The following STK38 variants were observed in gnomAD, a reference collection of about 807,000 sequenced individuals.
The protein encoded by STK38 is serine/threonine kinase 38.
A neutral mutation model predicts 59.0 loss-of-function variants in STK38; 26 were observed. That is an observed-to-expected ratio of 0.44 (90% CI 0.32 to 0.61). The LOEUF is 0.61. STK38 is among the 20% of genes least tolerant of loss of function. The pLI, the probability that STK38 is intolerant of heterozygous loss-of-function variation, is 0.04. For missense variants in STK38, 433 were observed against 566.0 expected, an observed-to-expected ratio of 0.76 and a Z score of 2.38; for synonymous variants, 175 against 176.6, an observed-to-expected ratio of 0.99 and a Z score of 0.07.
intron 9 of STK38, among the ~76,000 whole-genome samples, chr6:36,504,937 A>AAAGG (rs1776928844): frequency 6.6e-6 from 1 of 151,410 alleles, no homozygotes; most frequent in Non-Finnish European, 1.5e-5. Flanking sequence ...GAAAGAAAAG[A>AAAGG]AAGGAAAGAA....
chr6:36,505,860 C>T (rs1216578715), intron 9 of STK38, among the ~76,000 whole-genome samples: 1 of 152,158 alleles, frequency 6.6e-6, no homozygotes, highest in Non-Finnish European at 1.5e-5. Context: ...CAATAACTTT[C>T]CAGTAACTGG....
intron 10 of STK38, among the ~76,000 whole-genome samples, chr6:36,498,846 C>T (rs1776770075): frequency 1.3e-5 from 2 of 152,146 alleles, no homozygotes; most frequent in Non-Finnish European, 2.9e-5. Flanking sequence ...CCACCTCGAC[C>T]TCCCAAAGTG....
At chr6:36,496,951 A>G in intron 12 of STK38, 146 bp from the exon 13 acceptor site, 4 of 588,200 alleles carry the variant, frequency 6.8e-6, no homozygotes, top group Non-Finnish European at 1.2e-5. Context: ...AAAAACTTAT[A>G]AACACTGACC....
intron 3 of STK38, among the ~76,000 whole-genome samples, chr6:36,524,820 T>C (rs1404446204): frequency 6.6e-6 from 1 of 152,228 alleles, no homozygotes; most frequent in East Asian, 1.9e-4. Context: ...TATCTTTCCC[T>C]CTGGCTTAAA....
chr6:36,520,769 C>T (rs555292224), intron 5 of STK38, among the ~76,000 whole-genome samples: 2 of 152,076 alleles, frequency 1.3e-5, no homozygotes, highest in Non-Finnish European at 2.9e-5. Flanking sequence ...TAAAGCTTCT[C>T]GGTAACACAT....
intron 1 of STK38, 123 bp downstream of exon 1, chr6:36,547,067 T>C (rs1248392631): frequency 1.3e-5 from 2 of 153,230 alleles, no homozygotes; most frequent in Non-Finnish European, 2.9e-5. Flanking sequence ...GCTGAGAGGT[T>C]AGGGCTTGAA....
At chr6:36,520,959 T>C (rs954233598) in intron 5 of STK38, among the ~76,000 whole-genome samples, 3 of 152,208 alleles carry the variant, frequency 2.0e-5, no homozygotes, top group African/African-American at 7.2e-5. Flanking sequence ...TCCATGTTCC[T>C]ATAACATCAA....
intron 2 of STK38, among the ~76,000 whole-genome samples, chr6:36,530,434 G>C (rs926540667): frequency 6.6e-6 from 1 of 150,466 alleles, no homozygotes. Context: ...GTACTATCTC[G>C]GCTCACTGCA....
intron 1 of STK38, among the ~76,000 whole-genome samples, chr6:36,540,412 G>A (rs1777905907): frequency 6.6e-6 from 1 of 152,102 alleles, no homozygotes; most frequent in Admixed American, 6.6e-5. Context: ...CCACCCCTAG[G>A]TATAAAGACT....
intron 12 of STK38, 120 bp from the exon 13 acceptor site, chr6:36,496,925 G>T: frequency 1.6e-6 from 1 of 641,398 alleles, no homozygotes; most frequent in Non-Finnish European, 2.6e-6. Context: ...CTGGCAGGCA[G>T]CATTTATTTT....
intron 2 of STK38, among the ~76,000 whole-genome samples, chr6:36,530,044 C>T (rs1777628810): frequency 6.6e-6 from 1 of 152,104 alleles, no homozygotes; most frequent in East Asian, 1.9e-4. Flanking sequence ...AGTTGGACAC[C>T]AGCCTGGCCA....
chr6:36,536,435 G>A (rs2127489233), intron 2 of STK38, among the ~76,000 whole-genome samples: 1 of 152,266 alleles, frequency 6.6e-6, no homozygotes, highest in Non-Finnish European at 1.5e-5. Context: ...GGGAGGCTGA[G>A]GTGGGAGGAC....
intron 7 of STK38, among the ~76,000 whole-genome samples, chr6:36,514,624 G>GT (rs1256655289): frequency 2.6e-5 from 4 of 152,106 alleles, no homozygotes; most frequent in Non-Finnish European, 5.9e-5. Context: ...CTAATTTGCT[G>GT]TAAGTTTAGG....
chr6:36,524,673 C>G (rs934678070), intron 3 of STK38, among the ~76,000 whole-genome samples: 1 of 152,220 alleles, frequency 6.6e-6, no homozygotes, highest in Non-Finnish European at 1.5e-5. Flanking sequence ...CCACACTGAA[C>G]AGATGGGTGC....
At chr6:36,536,516 T>A (rs1015532515) in intron 2 of STK38, among the ~76,000 whole-genome samples, 68 of 151,934 alleles carry the variant, frequency 4.5e-4, no homozygotes, top group African/African-American at 7.0e-4. Context: ...AAACAAAAAA[T>A]TTTTTTTAAT....
intron 6 of STK38, 70 bp from the exon 7 acceptor site, chr6:36,515,562 C>A (rs943958886): frequency 1.3e-5 from 20 of 1,568,158 alleles, no homozygotes; most frequent in Non-Finnish European, 1.7e-6. Flanking sequence ...ACACAACATA[C>A]GAGTGAGTAC....
intron 9 of STK38, among the ~76,000 whole-genome samples, chr6:36,501,999 T>C (rs1252288408): frequency 6.6e-6 from 1 of 152,226 alleles, no homozygotes; most frequent in Non-Finnish European, 1.5e-5. Context: ...ACTTGAGGTA[T>C]CTTCCATGTC....
chr6:36,511,285 A>C (rs1230060477), intron 7 of STK38, among the ~76,000 whole-genome samples: 4 of 152,126 alleles, frequency 2.6e-5, no homozygotes, highest in Admixed American at 2.6e-4. Flanking sequence ...GTGTATGTAC[A>C]TATGTACACA....
chr6:36,528,485 G>T (rs568901848), intron 2 of STK38, among the ~76,000 whole-genome samples: 4 of 152,320 alleles, frequency 2.6e-5, no homozygotes, highest in African/African-American at 9.6e-5. Context: ...AGAATTTCCT[G>T]TCTAGAGGGA....
Sources: allele counts gnomAD v4.1 joint callset (sites outside exome capture counted in the v4.1 genomes callset), GRCh38; gene constraint gnomAD v4.1.1; transcripts MANE v1.5; gene names NCBI Gene and HGNC (gene_info 2026-07-23, HGNC 2026-07-21).